XKR9: variants seen among roughly 807,000 people sequenced by gnomAD.
XKR9 encodes XK-related protein 9.
A neutral mutation model predicts 32.0 loss-of-function variants in XKR9; 32 were observed. That is an observed-to-expected ratio of 1.00 (90% CI 0.76 to 1.34). XKR9 has a LOEUF of 1.34. Ranked by LOEUF, XKR9 falls within the 40% of genes most tolerant of loss-of-function variation. The pLI is 0.00. For missense variants in XKR9, 546 were observed against 429.7 expected (o/e 1.27, Z -2.39); for synonymous variants, 168 against 143.4 (o/e 1.17, Z -1.22).
chr8:70,765,206 C>A (rs1285669469), intron 2 of XKR9, among the ~76,000 whole-genome samples: 1 of 152,188 alleles, frequency 6.6e-6, no homozygotes, highest in Non-Finnish European at 1.5e-5. Context: ...TACACTCCCA[C>A]CAACAGTGTA....
intron 2 of XKR9, among the ~76,000 whole-genome samples, chr8:70,762,821 C>T (rs934411881): frequency 3.3e-5 from 5 of 152,066 alleles, no homozygotes; most frequent in African/African-American, 1.2e-4. Context: ...CTTAATAATT[C>T]GGCTACTAGT....
chr8:70,739,428 C>T (rs998397659), downstream of XKR9, among the ~76,000 whole-genome samples: 3 of 152,152 alleles, frequency 2.0e-5, no homozygotes, highest in Admixed American at 6.5e-5. Context: ...TCCAATTTGC[C>T]AGTCTGTGTC....
At chr8:70,684,699 C>T (rs1458418529) in intron 3 of XKR9, among the ~76,000 whole-genome samples, 2 of 148,866 alleles carry the variant, frequency 1.3e-5, no homozygotes, top group African/African-American at 2.5e-5. Flanking sequence ...TGAACAGACA[C>T]GTCTCAAAAG....
At chr8:70,922,569 T>G in the XKR9 span, among the ~76,000 whole-genome samples, 2 of 152,214 alleles carry the variant, frequency 1.3e-5, no homozygotes, top group Non-Finnish European at 2.9e-5. Flanking sequence ...TTAGCATTGT[T>G]GAAGAGATGA....
the XKR9 span, among the ~76,000 whole-genome samples, chr8:71,021,931 T>C: frequency 1.3e-5 from 2 of 152,252 alleles, no homozygotes; most frequent in Non-Finnish European, 2.9e-5. Context: ...CAGAATGGTG[T>C]TACCTAGTTT....
chr8:70,990,755 GAGAGAGAGAGAGAA>G, the XKR9 span, among the ~76,000 whole-genome samples: 5 of 151,908 alleles, frequency 3.3e-5, no homozygotes, highest in East Asian at 1.9e-4. Context: ...GAGAGAGAGA[GAGAGAGAGAGAGAA>G]AGAGAGAGAG....
At chr8:71,007,012 G>T in the XKR9 span, among the ~76,000 whole-genome samples, 1 of 152,158 alleles carries the variant, frequency 6.6e-6, no homozygotes, top group South Asian at 2.1e-4. Flanking sequence ...ACATCCTCAG[G>T]CTTCGTGTTA....
chr8:71,038,394 C>G, the XKR9 span, among the ~76,000 whole-genome samples: 2 of 150,042 alleles, frequency 1.3e-5, no homozygotes, highest in Admixed American at 6.6e-5. Context: ...AATCTTGGCT[C>G]ACTACAACCT....
the XKR9 span, among the ~76,000 whole-genome samples, chr8:71,040,323 G>A: frequency 6.6e-6 from 1 of 152,160 alleles, no homozygotes; most frequent in South Asian, 2.1e-4. Flanking sequence ...TGTGCAACAT[G>A]TGGTATTAGA....
the XKR9 span, among the ~76,000 whole-genome samples, chr8:70,822,126 T>G: frequency 6.6e-6 from 1 of 152,186 alleles, no homozygotes; most frequent in Non-Finnish European, 1.5e-5. Context: ...ATAGATGCAT[T>G]AAGTTAATAG....
chr8:70,936,225 A>C, the XKR9 span, among the ~76,000 whole-genome samples: 2 of 152,116 alleles, frequency 1.3e-5, no homozygotes, highest in Non-Finnish European at 1.5e-5. Context: ...CTGAAAGCCT[A>C]ATAGAAGGCT....
chr8:71,030,502 T>C, the XKR9 span, among the ~76,000 whole-genome samples: 1 of 152,210 alleles, frequency 6.6e-6, no homozygotes, highest in Non-Finnish European at 1.5e-5. Context: ...ACTCTAATGA[T>C]ATGATCTCAG....
chr8:70,858,966 C>A, the XKR9 span, among the ~76,000 whole-genome samples: 1 of 151,982 alleles, frequency 6.6e-6, no homozygotes, highest in South Asian at 2.1e-4. Context: ...TTGTGTAAGA[C>A]CTCAAAAACA....
chr8:70,762,161 G>A (rs1268665876), intron 2 of XKR9, among the ~76,000 whole-genome samples: 3 of 151,988 alleles, frequency 2.0e-5, no homozygotes, highest in African/African-American at 7.3e-5. Flanking sequence ...TTTTTGATTA[G>A]GATTGCCTTG....
the XKR9 span, among the ~76,000 whole-genome samples, chr8:70,973,865 T>A: frequency 2.0e-5 from 3 of 152,208 alleles, no homozygotes; most frequent in Admixed American, 2.0e-4. Context: ...TTTTTGAGGC[T>A]CATTTTGTGG....
chr8:71,004,025 G>GAC, the XKR9 span, among the ~76,000 whole-genome samples: 1,578 of 152,304 alleles, frequency 0.01, 9 homozygotes, highest in Non-Finnish European at 0.018. Flanking sequence ...GACAGAACAA[G>GAC]ATATTGCAAA....
chr8:71,053,604 C>T, the XKR9 span, among the ~76,000 whole-genome samples: 1 of 150,476 alleles, frequency 6.6e-6, no homozygotes, highest in Non-Finnish European at 1.5e-5. Context: ...TTGACACCTA[C>T]TCCCTCATCC....
Position 70,692,807 on chromosome 8 carries a change from C to T in XKR9, c.272+11477C>T, listed in dbSNP as rs58874589. 6.2e-3 allele frequency among the ~76,000 whole-genome samples: 936 copies of T among 151,990 alleles called. 14 individuals are homozygous for T. Among genetic ancestry groups the T allele is most frequent in the African/African-American group, 0.022 (893 of 41,462 alleles). On this transcript the variant is annotated intron_variant, in intron 3 of 4. Transcript: ENST00000408926. The stretch of plus-strand genomic sequence containing the variant: ...GTTGGCCAGGGTGGTCTCAAACTCC[C>T]GACCTCAGGTGATCTGCCCGCCATA...
At chr8:71,001,189 G>A in the XKR9 span, among the ~76,000 whole-genome samples, 4 of 152,316 alleles carry the variant, frequency 2.6e-5, no homozygotes, top group African/African-American at 9.6e-5. Flanking sequence ...AGATGACATG[G>A]TGCAGCCAGT....
Sources: gnomAD v4.1 joint callset for allele counts (sites outside exome capture counted in the v4.1 genomes callset) on GRCh38, gnomAD v4.1.1 for gene constraint, MANE v1.5 for transcripts, NCBI Gene and HGNC (gene_info 2026-07-23, HGNC 2026-07-21) for gene names.